Variants in RBFOX1 observed in about 807,000 individuals in gnomAD.
RBFOX1 encodes RNA binding fox-1 homolog 1.
A neutral mutation model predicts 57.7 loss-of-function variants in RBFOX1; 8 were observed. The ratio of observed to expected loss-of-function variants is 0.14; its 90% CI spans 0.08 to 0.25. The LOEUF (loss-of-function observed/expected upper bound fraction) is 0.25, where lower values mean the gene tolerates loss of function less well. Ranked by LOEUF, RBFOX1 falls within the 10% of genes least tolerant of loss-of-function variation. The pLI, the probability that RBFOX1 is intolerant of heterozygous loss-of-function variation, is 1.00. For synonymous variants in RBFOX1, 326 were observed against 222.4 expected, an observed-to-expected ratio of 1.47 and a Z score of -4.15; for missense variants, 611 against 548.5, an observed-to-expected ratio of 1.11 and a Z score of -1.14.
At chr16:6,375,510 G>A (rs2152903143) in intron 2 of RBFOX1, among the ~76,000 whole-genome samples, 1 of 152,060 alleles carries the variant, frequency 6.6e-6, no homozygotes, top group African/African-American at 2.4e-5. Context: ...CTGGGCAGGG[G>A]GAAAATGCCA....
intron 1 of RBFOX1, among the ~76,000 whole-genome samples, chr16:5,301,524 C>T (rs1026916302): frequency 6.8e-6 from 1 of 146,276 alleles, no homozygotes; most frequent in Admixed American, 7.3e-5. Flanking sequence ...GAAGCTGAGG[C>T]AGGAGAATGG....
rs187589138 is a variant in RBFOX1 at position 5,834,099 on chromosome 16, G to A, written c.319-33204G>A. Among the ~76,000 whole-genome samples the A allele has an allele frequency of 6.3e-3, 956 of 152,302 alleles. 2 individuals carry two copies. The highest frequency in any genetic ancestry group is 0.011 in the Non-Finnish European group (717 of 68,030). ...AGGCTTAGTTGCAGAGGTCGTCTGTGAATTCTGCTTATTTTAAGAAATTAA... is the reference window on the plus strand; with the variant it reads ...AGGCTTAGTTGCAGAGGTCGTCTGTAAATTCTGCTTATTTTAAGAAATTAA... On this transcript the variant is annotated intron_variant, in intron 3 of 19. Transcript: ENST00000641259.
intron 4 of RBFOX1, among the ~76,000 whole-genome samples, chr16:7,119,278 A>C (rs146238058): frequency 3.0e-4 from 45 of 152,266 alleles, no homozygotes; most frequent in African/African-American, 1.0e-3. Context: ...TTGTGTGTAC[A>C]TAATTGACCA....
intron 4 of RBFOX1, among the ~76,000 whole-genome samples, chr16:5,956,675 TA>T (rs1193112380): frequency 1.0e-3 from 72 of 71,306 alleles, no homozygotes; most frequent in East Asian, 1.3e-3. Flanking sequence ...TATATATATA[TA>T]TATTTTTTTT....
intron 3 of RBFOX1, among the ~76,000 whole-genome samples, chr16:6,689,714 T>C (rs1406569801): frequency 1.3e-5 from 2 of 152,222 alleles, no homozygotes; most frequent in Admixed American, 6.5e-5. Context: ...ATTCATGTTC[T>C]GTTTGGTTCT....
At chr16:6,207,263 A>G (rs183139002) in intron 1 of RBFOX1, among the ~76,000 whole-genome samples, 2 of 152,296 alleles carry the variant, frequency 1.3e-5, no homozygotes, top group Admixed American at 1.3e-4. Context: ...CATTTTGCAT[A>G]AGGCACACTT....
intron 2 of RBFOX1, among the ~76,000 whole-genome samples, chr16:5,563,767 C>G (rs968616380): frequency 6.6e-6 from 1 of 152,162 alleles, no homozygotes; most frequent in Non-Finnish European, 1.5e-5. Flanking sequence ...GTGCAATGAG[C>G]ACTATAGCAT....
intron 3 of RBFOX1, among the ~76,000 whole-genome samples, chr16:6,933,837 T>G (rs144958828): frequency 2.0e-3 from 307 of 152,336 alleles, no homozygotes; most frequent in African/African-American, 6.7e-3. Context: ...TACCTCTCTT[T>G]ATCTTAAGAA....
At chr16:5,563,025 C>G (rs1437767901) in intron 2 of RBFOX1, among the ~76,000 whole-genome samples, 1 of 152,166 alleles carries the variant, frequency 6.6e-6, no homozygotes, top group Non-Finnish European at 1.5e-5. Context: ...TCTTGGCTCA[C>G]TGCAACCTCT....
At chr16:5,486,774 C>T (rs1296231370) in intron 2 of RBFOX1, among the ~76,000 whole-genome samples, 1 of 151,982 alleles carries the variant, frequency 6.6e-6, no homozygotes, top group Non-Finnish European at 1.5e-5. Flanking sequence ...GGAGCATTCA[C>T]TGATAAAACT....
At chr16:6,551,369 G>A (rs1281221993) in intron 2 of RBFOX1, among the ~76,000 whole-genome samples, 1 of 152,132 alleles carries the variant, frequency 6.6e-6, no homozygotes, top group Non-Finnish European at 1.5e-5. Flanking sequence ...TTCAACAACT[G>A]TGTGCCTAAA....
intron 6 of RBFOX1, among the ~76,000 whole-genome samples, chr16:7,583,488 A>G (rs2093929838): frequency 6.6e-6 from 1 of 152,224 alleles, no homozygotes; most frequent in Non-Finnish European, 1.5e-5. Flanking sequence ...TGTTTAACTT[A>G]ATATTTAACA....
intron 2 of RBFOX1, among the ~76,000 whole-genome samples, chr16:6,335,348 C>G (rs2083496916): frequency 1.3e-5 from 2 of 152,124 alleles, no homozygotes; most frequent in African/African-American, 4.8e-5. Context: ...TCATGCATCT[C>G]TCTAAACAAA....
intron 4 of RBFOX1, among the ~76,000 whole-genome samples, chr16:7,456,814 C>G (rs1231601494): frequency 6.6e-6 from 1 of 152,126 alleles, no homozygotes; most frequent in Non-Finnish European, 1.5e-5. Context: ...TATTCAAGCC[C>G]TGAGCCCTGG....
At chr16:6,983,790 C>G (rs1163457819) in intron 3 of RBFOX1, 2 of 152,396 alleles carry the variant, frequency 1.3e-5, no homozygotes, top group African/African-American at 2.4e-5. Flanking sequence ...GCATGCACTA[C>G]TTGTGCCTAG....
chr16:5,948,166 G>A (rs964990858), intron 4 of RBFOX1, among the ~76,000 whole-genome samples: 4 of 152,188 alleles, frequency 2.6e-5, no homozygotes, highest in Admixed American at 2.0e-4. Context: ...ATATATAGTA[G>A]CCTCTGTTTG....
At chr16:6,490,488 C>T (rs2095607576) in intron 2 of RBFOX1, among the ~76,000 whole-genome samples, 1 of 152,226 alleles carries the variant, frequency 6.6e-6, no homozygotes, top group Admixed American at 6.5e-5. Context: ...CATTTCATAC[C>T]AGCTGTCCTC....
intron 4 of RBFOX1, among the ~76,000 whole-genome samples, chr16:5,925,459 C>T (rs1275437718): frequency 6.6e-6 from 1 of 152,116 alleles, no homozygotes; most frequent in Non-Finnish European, 1.5e-5. Flanking sequence ...CAGGAAAACC[C>T]ATGGAAACAG....
chr16:7,292,364 TTA>T (rs1162324823), intron 4 of RBFOX1, among the ~76,000 whole-genome samples: 12 of 140,280 alleles, frequency 8.6e-5, no homozygotes, highest in Admixed American at 2.3e-4. Context: ...ATGTATTATG[TTA>T]TATATCATAT....
Sources: allele counts gnomAD v4.1 joint callset (sites outside exome capture counted in the v4.1 genomes callset), GRCh38; gene constraint gnomAD v4.1.1; transcripts MANE v1.5; gene names NCBI Gene and HGNC (gene_info 2026-07-23, HGNC 2026-07-21).